The following CYB5A variants were observed in gnomAD, a reference collection of about 807,000 sequenced individuals.
CYB5A encodes cytochrome b5.
In CYB5A, 10 loss-of-function variants were observed where a neutral mutation model predicts 16.2. The ratio of observed to expected loss-of-function variants is 0.62; its 90% CI spans 0.38 to 1.04. CYB5A has a LOEUF of 1.04. Among genes scored for constraint, CYB5A ranks in the 50% least tolerant of loss-of-function variants. CYB5A has a pLI of 0.01. For missense variants in CYB5A, 161 were observed against 165.9 expected, an observed-to-expected ratio of 0.97 and a Z score of 0.16; for synonymous variants, 62 against 57.0, an observed-to-expected ratio of 1.09 and a Z score of -0.40.
In CYB5A at chr18:74,275,629, A is replaced by T. The variant is rs531504343; in HGVS notation, c.130-12152T>A. ...AAAGTGACCTGTGTAAACATGCAGA[A>T]GCATCTGAAACTCACGAATACACAG... On this transcript the variant is annotated intron_variant, in intron 1 of 4. Coordinates refer to ENST00000340533, the MANE Select transcript of CYB5A (RefSeq NM_148923.4). 2.0e-5 allele frequency among the ~76,000 whole-genome samples: 3 copies of T among 152,326 alleles called. No homozygotes were observed. The South Asian group carries it at 6.2e-4, about 32-fold the overall frequency.
At chr18:74,289,640 A>G (rs919560392) in intron 1 of CYB5A, among the ~76,000 whole-genome samples, 2 of 151,850 alleles carry the variant, frequency 1.3e-5, no homozygotes, top group Non-Finnish European at 2.9e-5. Context: ...GCTGGGCGTG[A>G]TGGTGTGCGC....
At chr18:74,274,231 T>G (rs1371464979) in intron 1 of CYB5A, among the ~76,000 whole-genome samples, 2 of 152,218 alleles carry the variant, frequency 1.3e-5, no homozygotes. Context: ...TGGGTTTGTA[T>G]GTTGAGGCCA....
intron 3 of CYB5A, chr18:74,256,753 C>A: frequency 7.5e-7 from 1 of 1,342,248 alleles, no homozygotes; most frequent in South Asian, 1.2e-5. Flanking sequence ...CTCTGCAAAG[C>A]ACGTTAGAGA....
At chr18:74,259,031 C>A (rs891871013) in intron 3 of CYB5A, 1 of 152,260 alleles carries the variant, frequency 6.6e-6, no homozygotes, top group African/African-American at 2.4e-5. Flanking sequence ...GTAATCCCAG[C>A]TACTCGGGAG....
In CYB5A at chr18:74,252,149, A is replaced by G. The variant is rs1981793870; in HGVS notation, c.*1435T>C. 6.6e-6 allele frequency: 1 copy of G among 152,242 alleles called. No individual in the cohort carries two copies. The highest frequency in any genetic ancestry group is 2.1e-4 in the South Asian group (1 of 4,830). 9.4% of individuals were successfully genotyped at this position (152,242 alleles called of 1,614,324 possible). On this transcript the variant is annotated 3_prime_UTR_variant, in exon 5 of 5. Coordinates refer to ENST00000340533, the MANE Select transcript of CYB5A (RefSeq NM_148923.4). ...AAGGCGGTGCATCCTATTTGATTAT[A>G]AAGGTTGTACTCTGTAAGAACAACA...
rs536666190 is a variant in CYB5A, at chr18:74,256,533, A to C, written c.289-758T>G. On this transcript the variant is annotated intron_variant, in intron 3 of 4. Transcript: ENST00000340533. ...CTGGAAAAACGCATACTTCTCCAACAGCTGAAAAGCTAAGGTCTAGTGAAA... is the reference window on the plus strand; with the variant it reads ...CTGGAAAAACGCATACTTCTCCAACCGCTGAAAAGCTAAGGTCTAGTGAAA... The C allele has an allele frequency of 4.3e-4, 192 of 443,584 alleles. 1 individual carries two copies. The highest frequency in any genetic ancestry group is 2.8e-3 in the African/African-American group (141 of 50,052). The allele number at this position is 443,584 out of a possible 1,614,324, so 27.5% of individuals were successfully genotyped here. A position where few individuals can be genotyped will look rare whatever the true frequency, so the allele number is the denominator to read the frequency against.
At chr18:74,269,354 G>A (rs1468207159) in intron 1 of CYB5A, among the ~76,000 whole-genome samples, 2 of 152,100 alleles carry the variant, frequency 1.3e-5, no homozygotes, top group South Asian at 2.1e-4. Context: ...GATCGTCTAC[G>A]TGTCTAAACA....
intron 1 of CYB5A, among the ~76,000 whole-genome samples, chr18:74,268,938 G>A (rs927926126): frequency 5.9e-5 from 9 of 152,100 alleles, no homozygotes; most frequent in East Asian, 1.9e-4. Context: ...CCTTGTTCTC[G>A]ACAGCATATG....
At chr18:74,275,658 G>A (rs1410642874) in intron 1 of CYB5A, among the ~76,000 whole-genome samples, 1 of 152,162 alleles carries the variant, frequency 6.6e-6, no homozygotes, top group Non-Finnish European at 1.5e-5. Context: ...TACACAGTCC[G>A]AGCCTCGAGA....
intron 1 of CYB5A, among the ~76,000 whole-genome samples, chr18:74,267,318 G>A (rs550237478): frequency 3.3e-5 from 5 of 152,136 alleles, no homozygotes; most frequent in African/African-American, 9.6e-5. Context: ...CACCACACCC[G>A]GCTAATTTTT....
Position 74,252,952 on chromosome 18 carries a change from C to G in CYB5A, c.*632G>C, listed in dbSNP as rs1450250927. The G allele has an allele frequency of 1.3e-5, 2 of 153,590 alleles. No homozygotes were observed. Among genetic ancestry groups the G allele is most frequent in the African/African-American group, 4.8e-5 (2 of 41,456 alleles). 9.5% of individuals were successfully genotyped at this position (153,590 alleles called of 1,614,324 possible). A position where few individuals can be genotyped will look rare whatever the true frequency, so the allele number is the denominator to read the frequency against. On this transcript the variant is annotated 3_prime_UTR_variant, in exon 5 of 5. Transcript: ENST00000340533. ...TCCTGACCTCAAGTGATCCACCCACCTCAGCCTCCCAAAGTGCTGGGCTTA... is the reference window on the plus strand; with the variant it reads ...TCCTGACCTCAAGTGATCCACCCACGTCAGCCTCCCAAAGTGCTGGGCTTA...
intron 3 of CYB5A, chr18:74,260,127 C>A (rs754855644): frequency 6.6e-6 from 1 of 152,292 alleles, no homozygotes; most frequent in African/African-American, 2.4e-5. Context: ...GTTCTCGACA[C>A]AAGCTCAGTG....
intron 1 of CYB5A, among the ~76,000 whole-genome samples, chr18:74,287,640 G>T (rs1392663236): frequency 6.6e-6 from 1 of 152,296 alleles, no homozygotes; most frequent in East Asian, 1.9e-4. Context: ...ATGTTCTACA[G>T]AAGCAAGTTT....
intron 4 of CYB5A, among the ~76,000 whole-genome samples, chr18:74,255,253 C>T (rs1215002610): frequency 6.6e-6 from 1 of 152,142 alleles, no homozygotes; most frequent in Non-Finnish European, 1.5e-5. Context: ...TGCACTTGGA[C>T]TATCATAAAC....
chr18:74,270,596 GA>G (rs202111300), intron 1 of CYB5A, among the ~76,000 whole-genome samples: 2 of 151,602 alleles, frequency 1.3e-5, no homozygotes, highest in African/African-American at 4.8e-5. Context: ...AAATATCCAG[GA>G]AAAAAAACTG....
chr18:74,258,415 A>G (rs1057257436), intron 3 of CYB5A: 2 of 152,278 alleles, frequency 1.3e-5, no homozygotes, highest in African/African-American at 4.8e-5. Context: ...CATGATTTCT[A>G]AGTCTACAAA....
At chr18:74,263,875 G>A (rs2543402) in intron 1 of CYB5A, among the ~76,000 whole-genome samples, 34,036 of 152,024 alleles carry the variant, frequency 0.22, 4,205 homozygotes, top group South Asian at 0.3. Flanking sequence ...CTGCACCACT[G>A]CACTCCAGCC....
intron 1 of CYB5A, among the ~76,000 whole-genome samples, chr18:74,268,003 G>A (rs538234394): frequency 2.0e-5 from 3 of 152,292 alleles, no homozygotes; most frequent in East Asian, 3.9e-4. Context: ...TGACCCTAAC[G>A]GTCTTCCGTC....
In CYB5A at chr18:74,253,540, G is replaced by T; in HGVS notation, c.*44C>A. 1 of 1,297,550 alleles carries T rather than the reference G, an allele frequency of 7.7e-7. No homozygotes were observed. Among genetic ancestry groups the T allele is most frequent in the South Asian group, 1.2e-5 (1 of 83,662 alleles). 80.4% of individuals were successfully genotyped at this position (1,297,550 alleles called of 1,614,324 possible). ...AGTTAGCAATGGCTTCTTTTCTCCC[G>T]TGTCCAAAGCAGGCTCTTCCTGCGC... On this transcript the variant is annotated 3_prime_UTR_variant, in exon 5 of 5. Transcript: ENST00000340533.
Sources: allele counts gnomAD v4.1 joint callset (sites outside exome capture counted in the v4.1 genomes callset), GRCh38; gene constraint gnomAD v4.1.1; transcripts MANE v1.5; gene names NCBI Gene and HGNC (gene_info 2026-07-23, HGNC 2026-07-21).